Variants in PRCP observed in about 807,000 individuals in gnomAD.
The protein encoded by PRCP is lysosomal Pro-X carboxypeptidase.
PRCP carries 46 observed loss-of-function variants against 54.2 expected under a neutral mutation model. That is an observed-to-expected ratio of 0.85 (90% CI 0.67 to 1.09). The LOEUF is 1.09. PRCP is among the 50% of genes least tolerant of loss of function. The pLI, the probability that PRCP is intolerant of heterozygous loss-of-function variation, is 0.00. For missense variants in PRCP, 613 were observed against 596.8 expected, an observed-to-expected ratio of 1.03 and a Z score of -0.28; for synonymous variants, 240 against 212.2, an observed-to-expected ratio of 1.13 and a Z score of -1.14.
intron 1 of PRCP, among the ~76,000 whole-genome samples, chr11:82,877,725 T>A (rs949870488): frequency 2.0e-5 from 3 of 152,216 alleles, no homozygotes; most frequent in Non-Finnish European, 4.4e-5. Flanking sequence ...GGCAAAAGTT[T>A]GCTGCAGGGG....
At chr11:82,860,940 A>C (rs886913707) in intron 1 of PRCP, among the ~76,000 whole-genome samples, 1 of 152,196 alleles carries the variant, frequency 6.6e-6, no homozygotes, top group Non-Finnish European at 1.5e-5. Flanking sequence ...AGTTATATTT[A>C]AAGAAGATAG....
rs539956988 is a variant in PRCP at position 82,850,320 on chromosome 11, T to G, written c.593+4A>C. 1 of 1,516,386 alleles carries G rather than the reference T, an allele frequency of 6.6e-7. No individual in the cohort carries two copies. The highest frequency in any genetic ancestry group is 8.9e-7 in the Non-Finnish European group (1 of 1,127,964). The allele number at this position is 1,516,386 out of a possible 1,614,324, so 93.9% of individuals were successfully genotyped here. ...ACGTTCATGTCCAGTACAAATGCAC[T>G]TACCCAACTACCATATGAGGATATT... On this transcript the variant is annotated splice_donor_region_variant and intron_variant, in intron 4 of 8. Coordinates refer to ENST00000313010, the MANE Select transcript of PRCP (RefSeq NM_005040.4).
At chr11:82,878,685 G>T (rs1432055218) in intron 1 of PRCP, among the ~76,000 whole-genome samples, 2 of 152,236 alleles carry the variant, frequency 1.3e-5, no homozygotes, top group Admixed American at 6.5e-5. Context: ...AGTACCGGTT[G>T]TTCCTTTCCA....
chr11:82,888,036 A>G (rs575488123), intron 1 of PRCP, among the ~76,000 whole-genome samples: 4 of 152,272 alleles, frequency 2.6e-5, no homozygotes, highest in South Asian at 2.1e-4. Context: ...TTGGGTCTTC[A>G]TTTCTGAAGA....
upstream of PRCP, chr11:82,900,953 C>G: frequency 2.3e-6 from 1 of 433,766 alleles, no homozygotes; most frequent in Non-Finnish European, 4.7e-6. Flanking sequence ...TCTCCTCTAA[C>G]TAAATCGTCA....
intron 1 of PRCP, among the ~76,000 whole-genome samples, chr11:82,896,792 C>G (rs768925349): frequency 1.1e-4 from 17 of 151,986 alleles, no homozygotes; most frequent in Non-Finnish European, 2.4e-4. Flanking sequence ...CAGCCTCCAA[C>G]CTACCCTGAA....
rs569452877 is a variant in PRCP, at chr11:82,840,119, G to A, written c.922-694C>T. 3.3e-5 allele frequency: 5 copies of A among 151,918 alleles called. No homozygotes were observed. The South Asian group carries it at 1.0e-3, about 32-fold the overall frequency. The allele number at this position is 151,918 out of a possible 1,614,324, so 9.4% of individuals were successfully genotyped here. A position where few individuals can be genotyped will look rare whatever the true frequency, so the allele number is the denominator to read the frequency against. ...ACTATACCAAGTTCCAGCATCTGTC[G>A]TGTGATAAAAAGCATATGCTGCAAC... is the stretch of plus-strand genomic sequence containing the variant. On this transcript the variant is annotated intron_variant, in intron 6 of 8. Transcript: ENST00000313010.
intron 1 of PRCP, among the ~76,000 whole-genome samples, chr11:82,862,970 GA>G (rs1859242880): frequency 6.6e-6 from 1 of 152,208 alleles, no homozygotes; most frequent in African/African-American, 2.4e-5. Context: ...GAAAGGGCAA[GA>G]AAGGCAGACA....
chr11:82,854,562 T>C (rs556668911), intron 2 of PRCP, among the ~76,000 whole-genome samples: 44 of 152,238 alleles, frequency 2.9e-4, no homozygotes, highest in Admixed American at 9.8e-4. Flanking sequence ...TCAATATTGT[T>C]AAAATGGCCA....
chr11:82,892,497 ATTC>A (rs1378411823), intron 1 of PRCP, among the ~76,000 whole-genome samples: 2 of 152,214 alleles, frequency 1.3e-5, no homozygotes, highest in Non-Finnish European at 2.9e-5. Flanking sequence ...GTACAGAATT[ATTC>A]TTTTTAATTA....
At chr11:82,830,354 ACGGTGGCT>A (rs1307534722) in intron 8 of PRCP, 29 of 152,198 alleles carry the variant, frequency 1.9e-4, no homozygotes, top group African/African-American at 6.7e-4. Flanking sequence ...CTGGCCAGGC[ACGGTGGCT>A]CACACCTATA....
chr11:82,880,827 C>T (rs1261324700), intron 1 of PRCP, among the ~76,000 whole-genome samples: 1 of 134,502 alleles, frequency 7.4e-6, no homozygotes, highest in East Asian at 2.0e-4. Flanking sequence ...CCCATCTGCC[C>T]TTATGGAGGA....
intron 6 of PRCP, 151 bp downstream of exon 6, chr11:82,848,898 G>A (rs949844783): frequency 5.5e-6 from 4 of 727,518 alleles, no homozygotes; most frequent in African/African-American, 5.4e-5. Context: ...CACATAATCA[G>A]AAAGTAGCAG....
chr11:82,897,195 TA>T (rs1860137595), intron 1 of PRCP, among the ~76,000 whole-genome samples: 1 of 152,064 alleles, frequency 6.6e-6, no homozygotes, highest in African/African-American at 2.4e-5. Context: ...TTATTTCAGG[TA>T]AAAGAAATCA....
intron 1 of PRCP, 104 bp downstream of exon 1, chr11:82,900,131 C>T (rs1318462426): frequency 1.4e-6 from 2 of 1,403,950 alleles, no homozygotes. Context: ...AGATCCTAGG[C>T]ATCAAGGGGT....
At chr11:82,898,171 GA>G (rs1860161526) in intron 1 of PRCP, among the ~76,000 whole-genome samples, 1 of 152,050 alleles carries the variant, frequency 6.6e-6, no homozygotes, top group Non-Finnish European at 1.5e-5. Flanking sequence ...GGAATAGACA[GA>G]AGAAAAATTA....
rs142034721 is a variant in PRCP, at chr11:82,841,263, CGG to C, written c.922-1840_922-1839del. On this transcript the variant is annotated intron_variant, in intron 6 of 8. Coordinates refer to ENST00000313010, the MANE Select transcript of PRCP (RefSeq NM_005040.4). ...AGTTCTGCCTGGCACCAGCTGCCAGCGGGGGAAAAAAAAAAAAAGGAAAACTG... is the reference window on the plus strand; with the variant it reads ...AGTTCTGCCTGGCACCAGCTGCCAGCGGGAAAAAAAAAAAAAGGAAAACTG... 2.8e-4 allele frequency among the ~76,000 whole-genome samples: 31 copies of C among 110,390 alleles called. 1 individual carries two copies. The highest frequency in any genetic ancestry group is 4.1e-4 in the Admixed American group (4 of 9,864). 72.4% of individuals were successfully genotyped at this position (110,390 alleles called of 152,430 possible).
At chr11:82,847,879 C>T (rs1425694133) in intron 6 of PRCP, among the ~76,000 whole-genome samples, 7 of 152,246 alleles carry the variant, frequency 4.6e-5, no homozygotes, top group South Asian at 2.1e-4. Flanking sequence ...CAGGGATGAG[C>T]GACCATGCCA....
intron 6 of PRCP, among the ~76,000 whole-genome samples, chr11:82,848,572 G>A (rs1407697083): frequency 6.6e-6 from 1 of 152,174 alleles, no homozygotes; most frequent in Non-Finnish European, 1.5e-5. Context: ...TGTGCTGCAT[G>A]GGGTCACTCT....
Sources: gnomAD v4.1 joint callset for allele counts (sites outside exome capture counted in the v4.1 genomes callset) on GRCh38, gnomAD v4.1.1 for gene constraint, MANE v1.5 for transcripts, NCBI Gene and HGNC (gene_info 2026-07-23, HGNC 2026-07-21) for gene names.